Variants in DMD observed in about 807,000 individuals in gnomAD.
DMD encodes dystrophin.
DMD carries 63 observed loss-of-function variants against 330.1 expected under a neutral mutation model. The observed-to-expected ratio is 0.19, with a 90% CI of 0.16 to 0.24. The LOEUF (loss-of-function observed/expected upper bound fraction) is 0.24. Ranked by LOEUF, DMD falls within the 10% of genes least tolerant of loss-of-function variation. The pLI is 1.00. For missense variants in DMD, 3,344 were observed against 2,684.1 expected (o/e 1.25, Z -5.43); for synonymous variants, 1,223 against 959.8 (o/e 1.27, Z -5.07).
chrX:32,362,440 TTTTA>T (rs1319893661), intron 37 of DMD, among the ~76,000 whole-genome samples: 3 of 111,511 alleles, frequency 2.7e-5, no homozygotes, highest in African/African-American at 9.8e-5. Context: ...GTGCTTTTGG[TTTTA>T]TTTATTTTTT....
chrX:33,304,578 A>G (rs1298630075), intron 1 of DMD, among the ~76,000 whole-genome samples: 40 of 110,842 alleles, frequency 3.6e-4, no homozygotes, highest in Non-Finnish European at 4.9e-4. Flanking sequence ...GATCTCATCA[A>G]ACTAAAGAGC....
chrX:32,731,506 A>G (rs189306323), intron 7 of DMD, among the ~76,000 whole-genome samples: 1,888 of 112,326 alleles, frequency 0.017, 45 homozygotes, highest in African/African-American at 0.057. Context: ...AGATTTAAAT[A>G]TCCCTGTCTG....
At chrX:32,901,883 G>A (rs1321868041) in intron 2 of DMD, among the ~76,000 whole-genome samples, 2 of 110,001 alleles carry the variant, frequency 1.8e-5, no homozygotes, top group Middle Eastern at 4.6e-3. Context: ...TAGTTTCCTA[G>A]TAAATTATAA....
intron 30 of DMD, among the ~76,000 whole-genome samples, chrX:32,391,821 G>A (rs1332834738): frequency 9.0e-6 from 1 of 111,713 alleles, no homozygotes; most frequent in Non-Finnish European, 1.9e-5. Context: ...TGTTAAAGTA[G>A]AACTTTCAAT....
At chrX:32,028,353 A>C (rs1196055731) in intron 44 of DMD, among the ~76,000 whole-genome samples, 1 of 111,358 alleles carries the variant, frequency 9.0e-6, no homozygotes, top group Non-Finnish European at 1.9e-5. Flanking sequence ...GGAAGAAAGA[A>C]GATGCCAGGA....
intron 4 of DMD, among the ~76,000 whole-genome samples, chrX:32,827,056 A>ACCCCCCCCCCCCCCC (rs1174768674): frequency 1.7e-5 from 1 of 59,903 alleles, no homozygotes; most frequent in African/African-American, 8.0e-5. Context: ...CACACATCGC[A>ACCCCCCCCCCCCCCC]CCCCCCCCCC....
At chrX:33,139,288 T>A (rs1033262857) in intron 1 of DMD, among the ~76,000 whole-genome samples, 5 of 111,216 alleles carry the variant, frequency 4.5e-5, no homozygotes, top group African/African-American at 1.6e-4. Flanking sequence ...GCGAGACCCC[T>A]GATATAGTTT....
At chrX:32,460,004 G>T (rs1402797519) in intron 25 of DMD, among the ~76,000 whole-genome samples, 1 of 110,409 alleles carries the variant, frequency 9.1e-6, no homozygotes, top group African/African-American at 3.3e-5. Context: ...GAAAAATAAC[G>T]ATTTTATGAT....
intron 15 of DMD, among the ~76,000 whole-genome samples, chrX:32,572,752 C>A (rs888226259): frequency 3.6e-5 from 4 of 110,445 alleles, no homozygotes; most frequent in Admixed American, 2.9e-4. Context: ...TTCTCCAAAT[C>A]TCATGTTGAA....
chrX:33,331,194 C>A (rs1320369566), intron 1 of DMD, among the ~76,000 whole-genome samples: 1 of 111,620 alleles, frequency 9.0e-6, no homozygotes, highest in Non-Finnish European at 1.9e-5. Context: ...CTGTTTCCTG[C>A]CACTGTGGCC....
intron 53 of DMD, among the ~76,000 whole-genome samples, chrX:31,670,581 T>C (rs937438223): frequency 8.0e-5 from 9 of 112,091 alleles, no homozygotes; most frequent in African/African-American, 2.9e-4. Flanking sequence ...AGCAGGCCCA[T>C]ACTCCTGCTG....
intron 67 of DMD, among the ~76,000 whole-genome samples, chrX:31,184,970 G>C (rs1418976403): frequency 3.0e-5 from 2 of 66,000 alleles, no homozygotes; most frequent in Admixed American, 1.8e-4. Context: ...GTTGTGGGGT[G>C]GGGGGAGGGG....
intron 45 of DMD, among the ~76,000 whole-genome samples, chrX:31,961,739 G>GT (rs2095305343): frequency 1.4e-5 from 1 of 73,345 alleles, no homozygotes; most frequent in Non-Finnish European, 2.4e-5. Context: ...CAAAGGAAGC[G>GT]GTTTTTTTTT....
Position 31,583,705 on chromosome X carries a change from T to C in DMD, c.8217+43968A>G, listed in dbSNP as rs184304414. Among the ~76,000 whole-genome samples the C allele has an allele frequency of 2.3e-3, 248 of 110,104 alleles. 1 individual carries two copies. Among genetic ancestry groups the C allele is most frequent in the Middle Eastern group, 4.7e-3 (1 of 213 alleles). On this transcript the variant is annotated intron_variant, in intron 55 of 78. Transcript: ENST00000357033. Reference sequence around the variant, plus strand: ...TGCAGGTTTGTTACATAGGTAAACATGTGCCATGGTGGTTTGCTGCACCTA... The same window carrying C: ...TGCAGGTTTGTTACATAGGTAAACACGTGCCATGGTGGTTTGCTGCACCTA...
At chrX:31,407,733 G>C (rs56170811) in intron 60 of DMD, among the ~76,000 whole-genome samples, 6,297 of 109,358 alleles carry the variant, frequency 0.058, 186 homozygotes, top group Non-Finnish European at 0.088. Context: ...ATCCGCCTCG[G>C]CCTCTCAAAG....
At chrX:32,131,284 G>A (rs1378660353) in intron 44 of DMD, among the ~76,000 whole-genome samples, 1 of 112,203 alleles carries the variant, frequency 8.9e-6, no homozygotes, top group Non-Finnish European at 1.9e-5. Flanking sequence ...TTTTGCTTCT[G>A]ATTCATTCCT....
chrX:33,080,758 T>C lies in DMD; in HGVS notation c.32-60558A>G, dbSNP rs149995270. 1.1e-3 allele frequency among the ~76,000 whole-genome samples: 118 copies of C among 111,370 alleles called. 1 individual carries two copies. The East Asian group carries it at 0.033, about 31-fold the overall frequency. ...AAGGAAACAGTTTGACCTTAAAGAA[T>C]TTAGCAAATCTGATAGCTGACCTTA... On this transcript the variant is annotated intron_variant, in intron 1 of 78. Coordinates refer to ENST00000357033, the MANE Select transcript of DMD (RefSeq NM_004006.3).
intron 1 of DMD, among the ~76,000 whole-genome samples, chrX:33,108,867 G>GAAAAAAAAAAAAAAAAA (rs1291148949): frequency 1.8e-4 from 1 of 5,643 alleles, no homozygotes; most frequent in Non-Finnish European, 4.4e-4. Flanking sequence ...ACTCCGTTTC[G>GAAAAAAAAAAAAAAAAA]GAAAAAAAAA....
At chrX:31,564,649 A>C (rs2052228712) in intron 55 of DMD, among the ~76,000 whole-genome samples, 1 of 112,354 alleles carries the variant, frequency 8.9e-6, no homozygotes, top group African/African-American at 3.2e-5. Flanking sequence ...GACCCCCTAA[A>C]TTATCAGCTT....
Sources: gnomAD v4.1 joint callset for allele counts (sites outside exome capture counted in the v4.1 genomes callset) on GRCh38, gnomAD v4.1.1 for gene constraint, MANE v1.5 for transcripts, NCBI Gene and HGNC (gene_info 2026-07-23, HGNC 2026-07-21) for gene names.